RAB38: variants seen among roughly 807,000 people sequenced by gnomAD.
RAB38 encodes RAB38, member RAS oncogene family, also known as ras-related protein Rab-38.
A neutral mutation model predicts 18.4 loss-of-function variants in RAB38; 15 were observed. The observed-to-expected ratio is 0.82, with a 90% CI of 0.55 to 1.26. RAB38 has a LOEUF of 1.26. RAB38 is among the 50% of genes most tolerant of loss of function. RAB38 has a pLI of 0.00. For synonymous variants in RAB38, 101 were observed against 104.4 expected, an observed-to-expected ratio of 0.97 and a Z score of 0.20; for missense variants, 294 against 267.4, an observed-to-expected ratio of 1.10 and a Z score of -0.69.
At chr11:87,974,799 A>AG in the RAB38 span, among the ~76,000 whole-genome samples, 1 of 151,848 alleles carries the variant, frequency 6.6e-6, no homozygotes, top group Non-Finnish European at 1.5e-5. Flanking sequence ...AATGATGATC[A>AG]GAAAAAAAAA....
intron 1 of RAB38, among the ~76,000 whole-genome samples, chr11:88,151,374 C>A (rs1460932784): frequency 2.0e-5 from 3 of 152,132 alleles, no homozygotes; most frequent in Non-Finnish European, 2.9e-5. Context: ...ACAAGTATTT[C>A]AGCTGAATAA....
the RAB38 span, among the ~76,000 whole-genome samples, chr11:88,038,860 TC>T: frequency 6.6e-6 from 1 of 152,206 alleles, no homozygotes; most frequent in South Asian, 2.1e-4. Context: ...TAAGATATAA[TC>T]CACATTGCAA....
the RAB38 span, among the ~76,000 whole-genome samples, chr11:87,882,128 C>T: frequency 6.6e-5 from 10 of 151,990 alleles, no homozygotes; most frequent in African/African-American, 1.9e-4. Flanking sequence ...TAGAATTTTA[C>T]ATTTTATGGG....
chr11:88,137,255 A>G (rs568910106), intron 2 of RAB38, among the ~76,000 whole-genome samples: 4 of 152,226 alleles, frequency 2.6e-5, no homozygotes, highest in African/African-American at 9.6e-5. Context: ...TCTTGCTCTC[A>G]AAATTTTTAA....
chr11:88,037,548 C>T, the RAB38 span, among the ~76,000 whole-genome samples: 1 of 152,078 alleles, frequency 6.6e-6, no homozygotes, highest in Non-Finnish European at 1.5e-5. Context: ...CTCACCTCCA[C>T]AAAAACTCTT....
chr11:88,092,356 GAGAGAGAGAGAGAGAGAGAGAGAGAGA>G, the RAB38 span, among the ~76,000 whole-genome samples: 2 of 10,644 alleles, frequency 1.9e-4, 1 homozygote, highest in African/African-American at 6.1e-4. Context: ...GGGAGGGAGA[GAGAGAGAGAGAGAGAGAGAGAGAGAGA>G]GAGAGAGAGA....
intron 1 of RAB38, among the ~76,000 whole-genome samples, chr11:88,169,742 A>T (rs548457050): frequency 1.3e-5 from 2 of 152,314 alleles, no homozygotes; most frequent in East Asian, 3.9e-4. Flanking sequence ...CAACTTCCTC[A>T]GATTTAGTCT....
the RAB38 span, among the ~76,000 whole-genome samples, chr11:88,027,978 C>G: frequency 6.6e-6 from 1 of 152,194 alleles, no homozygotes; most frequent in Non-Finnish European, 1.5e-5. Context: ...GAGGCACCCC[C>G]CAGCAGGGGC....
the RAB38 span, among the ~76,000 whole-genome samples, chr11:88,107,559 CAA>C: frequency 0.092 from 13,903 of 150,874 alleles, 1,213 homozygotes; most frequent in African/African-American, 0.23. Flanking sequence ...TTAATCTTTT[CAA>C]AAAAAAAAAT....
At chr11:88,118,894 A>C (rs1184514048) in intron 2 of RAB38, among the ~76,000 whole-genome samples, 1 of 152,196 alleles carries the variant, frequency 6.6e-6, no homozygotes, top group Non-Finnish European at 1.5e-5. Flanking sequence ...GAATATTCAC[A>C]AACATCTATT....
the RAB38 span, among the ~76,000 whole-genome samples, chr11:88,046,805 C>A: frequency 6.6e-6 from 1 of 152,154 alleles, no homozygotes; most frequent in South Asian, 2.1e-4. Flanking sequence ...GGAAACCTAG[C>A]TGACCCCATA....
At chr11:88,050,849 G>C in the RAB38 span, among the ~76,000 whole-genome samples, 3 of 152,246 alleles carry the variant, frequency 2.0e-5, no homozygotes, top group Admixed American at 1.3e-4. Context: ...CAGGAAGGTT[G>C]AGGAAGAAGA....
the RAB38 span, among the ~76,000 whole-genome samples, chr11:88,080,250 C>T: frequency 3.3e-5 from 5 of 151,530 alleles, no homozygotes; most frequent in African/African-American, 9.7e-5. Context: ...ATTATTCATT[C>T]GCTAGCTACA....
At chr11:87,929,552 TC>T in the RAB38 span, among the ~76,000 whole-genome samples, 1 of 145,134 alleles carries the variant, frequency 6.9e-6, no homozygotes, top group Non-Finnish European at 1.5e-5. Flanking sequence ...TAATTTTGAT[TC>T]TTTTTTTTGG....
chr11:87,827,490 A>AT, the RAB38 span, among the ~76,000 whole-genome samples: 1 of 152,116 alleles, frequency 6.6e-6, no homozygotes, highest in African/African-American at 2.4e-5. Context: ...ATCATAATGC[A>AT]TAACCATAGT....
At chr11:88,112,856 T>G (rs571203525), downstream of RAB38, among the ~76,000 whole-genome samples, 1 of 151,998 alleles carries the variant, frequency 6.6e-6, no homozygotes, top group South Asian at 2.1e-4. Flanking sequence ...TAATATGAAA[T>G]AATGACATTA....
At chr11:88,032,519 C>G in the RAB38 span, among the ~76,000 whole-genome samples, 1 of 151,914 alleles carries the variant, frequency 6.6e-6, no homozygotes, top group Non-Finnish European at 1.5e-5. Flanking sequence ...ACAATGAACT[C>G]AAATTTACAA....
In RAB38 at chr11:88,149,717, G is replaced by C; in HGVS notation, c.441C>G (p.Cys147Trp). Residue 147 changes from cysteine to tryptophan, a missense_variant, in exon 2 of 3, where the codon TGC becomes TGG. Cys to Trp is a radical substitution (Grantham distance 215). Coordinates refer to ENST00000243662, the MANE Select transcript of RAB38 (RefSeq NM_022337.3). Reference protein sequence around the residue: ...MNNGLKMDQFCKEHGFVGWFE... With the variant: ...MNNGLKMDQFWKEHGFVGWFE... ...ACCATCCTACGAAACCGTGCTCCTT[G>C]CAGAACTGGTCCATCTTGAGGCCAT... The C allele has an allele frequency of 1.2e-6, 2 of 1,614,070 alleles. No individual in the cohort carries two copies. Among genetic ancestry groups the C allele is most frequent in the Non-Finnish European group, 1.7e-6 (2 of 1,180,000 alleles).
At chr11:87,953,288 T>G in the RAB38 span, among the ~76,000 whole-genome samples, 1 of 152,282 alleles carries the variant, frequency 6.6e-6, no homozygotes, top group East Asian at 1.9e-4. Flanking sequence ...CACACATGTA[T>G]ATCAAGTAGT....
Sources: gnomAD v4.1 joint callset for allele counts (sites outside exome capture counted in the v4.1 genomes callset) on GRCh38, gnomAD v4.1.1 for gene constraint, MANE v1.5 for transcripts, NCBI Gene and HGNC (gene_info 2026-07-23, HGNC 2026-07-21) for gene names.